Variants in ZFAND3 observed in about 807,000 individuals in gnomAD.
The protein encoded by ZFAND3 is zinc finger AN1-type containing 3, also known as AN1-type zinc finger protein 3.
A neutral mutation model predicts 29.6 loss-of-function variants in ZFAND3; 10 were observed. That is an observed-to-expected ratio of 0.34 (90% CI 0.21 to 0.57). The LOEUF (loss-of-function observed/expected upper bound fraction) is 0.57. Ranked by LOEUF, ZFAND3 falls within the 20% of genes least tolerant of loss-of-function variation. The pLI is 0.86. For synonymous variants in ZFAND3, 128 were observed against 112.6 expected (o/e 1.14, Z -0.87); for missense variants, 230 against 304.5 (o/e 0.76, Z 1.82).
chr6:37,949,328 T>C (rs568379234), intron 2 of ZFAND3, among the ~76,000 whole-genome samples: 31 of 152,314 alleles, frequency 2.0e-4, no homozygotes, highest in Admixed American at 8.5e-4. Context: ...TTTCAGTTCT[T>C]ATTGTGTGGG....
chr6:37,926,889 G>C (rs1299835145), intron 1 of ZFAND3, among the ~76,000 whole-genome samples: 1 of 152,204 alleles, frequency 6.6e-6, no homozygotes, highest in Non-Finnish European at 1.5e-5. Flanking sequence ...TTCAACATGA[G>C]AAAGGATCAA....
chr6:37,942,488 A>C (rs1761828774), intron 2 of ZFAND3, among the ~76,000 whole-genome samples: 1 of 152,148 alleles, frequency 6.6e-6, no homozygotes, highest in Non-Finnish European at 1.5e-5. Context: ...TAGGAAGGTG[A>C]GGGTATATGA....
At chr6:37,942,278 T>C (rs1189165081) in intron 2 of ZFAND3, among the ~76,000 whole-genome samples, 2 of 134,546 alleles carry the variant, frequency 1.5e-5, no homozygotes, top group East Asian at 3.9e-4. Flanking sequence ...TATATTTTTT[T>C]TTCTTTGAAA....
chr6:37,894,121 G>A (rs1273264174), intron 1 of ZFAND3, among the ~76,000 whole-genome samples: 1 of 151,944 alleles, frequency 6.6e-6, no homozygotes, highest in Non-Finnish European at 1.5e-5. Context: ...TGGGCGTGGT[G>A]GCTGGTGCCT....
At chr6:38,103,394 CATAT>C (rs750386963) in intron 4 of ZFAND3, among the ~76,000 whole-genome samples, 14 of 138,118 alleles carry the variant, frequency 1.0e-4, no homozygotes, top group African/African-American at 1.4e-4. Context: ...TACACACACA[CATAT>C]ATATACACAC....
chr6:38,085,631 G>A (rs1450541716), intron 4 of ZFAND3, among the ~76,000 whole-genome samples: 1 of 151,950 alleles, frequency 6.6e-6, no homozygotes, highest in Non-Finnish European at 1.5e-5. Context: ...ATAAAGACAA[G>A]GTCTTATTAT....
intron 4 of ZFAND3, among the ~76,000 whole-genome samples, chr6:38,084,027 T>G (rs1056615663): frequency 3.3e-5 from 5 of 152,180 alleles, no homozygotes; most frequent in African/African-American, 1.2e-4. Context: ...ATGTAGGCAC[T>G]CATAAACTTA....
At position 38,153,194 on chromosome 6, in the gene ZFAND3, G is replaced by A. The variant is rs1766270992; in HGVS notation, c.*805G>A. The A allele has an allele frequency of 2.7e-5, 27 of 985,304 alleles. No individual in the cohort carries two copies. Among genetic ancestry groups the A allele is most frequent in the Non-Finnish European group, 3.0e-5 (25 of 829,744 alleles). The allele number at this position is 985,304 out of a possible 1,614,324, so 61.0% of individuals were successfully genotyped here. On this transcript the variant is annotated 3_prime_UTR_variant, in exon 6 of 6. Coordinates refer to ENST00000287218, the MANE Select transcript of ZFAND3 (RefSeq NM_021943.3). ...TGCAGGGATCTGGCACGGACCAGAT[G>A]TGGCGAATGGCAGCACAGCGCGGTG...
intron 5 of ZFAND3, among the ~76,000 whole-genome samples, chr6:38,119,930 G>T (rs548401452): frequency 6.6e-6 from 1 of 152,136 alleles, no homozygotes; most frequent in Non-Finnish European, 1.5e-5. Flanking sequence ...TTTTGAATAC[G>T]AATTCTCCTC....
At chr6:38,097,003 A>G (rs1309495732) in intron 4 of ZFAND3, among the ~76,000 whole-genome samples, 2 of 152,044 alleles carry the variant, frequency 1.3e-5, no homozygotes, top group Non-Finnish European at 2.9e-5. Context: ...TCATGCTCTA[A>G]TTCTCCTCAT....
chr6:38,109,460 G>C (rs550339171), intron 4 of ZFAND3, among the ~76,000 whole-genome samples: 1 of 152,198 alleles, frequency 6.6e-6, no homozygotes, highest in Admixed American at 6.5e-5. Flanking sequence ...GGGATTACAG[G>C]CGTGAGTCAC....
chr6:38,125,851 C>T (rs1453766406), intron 5 of ZFAND3, among the ~76,000 whole-genome samples: 9 of 151,942 alleles, frequency 5.9e-5, no homozygotes. Context: ...ATTTACGTAC[C>T]ATAAAATTTG....
At chr6:37,931,861 G>T (rs868116858) in intron 2 of ZFAND3, among the ~76,000 whole-genome samples, 1 of 152,158 alleles carries the variant, frequency 6.6e-6, no homozygotes, top group African/African-American at 2.4e-5. Flanking sequence ...AATTGGGGAA[G>T]CTGACAGCTT....
At chr6:37,975,890 G>A (rs1762469123) in intron 2 of ZFAND3, among the ~76,000 whole-genome samples, 2 of 151,966 alleles carry the variant, frequency 1.3e-5, no homozygotes, top group African/African-American at 4.8e-5. Context: ...ATGAGTTTTA[G>A]CATCAGTTTG....
chr6:37,832,762 G>GA (rs1156524197), intron 1 of ZFAND3, among the ~76,000 whole-genome samples: 15 of 152,124 alleles, frequency 9.9e-5, no homozygotes, highest in Admixed American at 7.2e-4. Flanking sequence ...CTGTAGCCTC[G>GA]AACTCCTGGG....
intron 2 of ZFAND3, among the ~76,000 whole-genome samples, chr6:37,939,286 C>T (rs1018763178): frequency 4.6e-5 from 7 of 152,186 alleles, no homozygotes; most frequent in African/African-American, 1.7e-4. Flanking sequence ...CTGCTTGTTT[C>T]TGGCTTGTCA....
intron 2 of ZFAND3, among the ~76,000 whole-genome samples, chr6:38,044,013 A>G (rs558611045): frequency 1.3e-5 from 2 of 152,284 alleles, no homozygotes; most frequent in East Asian, 3.9e-4. Context: ...CTATTTTTAA[A>G]TGACACAATA....
Position 37,860,683 on chromosome 6 carries a change from C to G in ZFAND3, c.71+40667C>G, listed in dbSNP as rs1764472989. ...AAGTAGGTTTAGATTTTAGTTAACA[C>G]TATATACCATATATTTACTCTTCTC... is the stretch of plus-strand genomic sequence containing the variant. On this transcript the variant is annotated intron_variant, in intron 1 of 5. Coordinates refer to ENST00000287218, the MANE Select transcript of ZFAND3 (RefSeq NM_021943.3). Among the ~76,000 whole-genome samples, 5 of 135,034 alleles carry G rather than the reference C, an allele frequency of 3.7e-5. No homozygotes were observed. In the Admixed American group the frequency reaches 3.8e-4, roughly 10 times the overall value. The allele number at this position is 135,034 out of a possible 152,430, so 88.6% of individuals were successfully genotyped here.
intron 1 of ZFAND3, among the ~76,000 whole-genome samples, chr6:37,841,743 A>C (rs1764080645): frequency 6.6e-6 from 1 of 152,134 alleles, no homozygotes; most frequent in Admixed American, 6.5e-5. Flanking sequence ...TCGGCCCCCC[A>C]AAGCGCTGGG....
Sources: gnomAD v4.1 joint callset for allele counts (sites outside exome capture counted in the v4.1 genomes callset) on GRCh38, gnomAD v4.1.1 for gene constraint, MANE v1.5 for transcripts, NCBI Gene and HGNC (gene_info 2026-07-23, HGNC 2026-07-21) for gene names.